Variants in TRDN observed in about 807,000 individuals in gnomAD.
The protein encoded by TRDN is triadin in skeletal muscle.
In TRDN, 161 loss-of-function variants were observed where a neutral mutation model predicts 149.7. The observed-to-expected ratio is 1.08, with a 90% CI of 0.95 to 1.23. The LOEUF (loss-of-function observed/expected upper bound fraction) is 1.23, where lower values mean the gene tolerates loss of function less well. Among genes scored for constraint, TRDN ranks in the 50% most tolerant of loss-of-function variants. The probability of loss-of-function intolerance (pLI) is 0.00; values close to 1 mark genes in which losing one functional copy is unlikely to be tolerated. For missense variants in TRDN, 896 were observed against 823.5 expected, an observed-to-expected ratio of 1.09 and a Z score of -1.08; for synonymous variants, 294 against 250.5, an observed-to-expected ratio of 1.17 and a Z score of -1.64.
At chr6:123,594,970 C>A (rs1783964570) in intron 1 of TRDN, among the ~76,000 whole-genome samples, 1 of 151,694 alleles carries the variant, frequency 6.6e-6, no homozygotes, top group Non-Finnish European at 1.5e-5. Context: ...CCAGAATATG[C>A]CTCTGTGGTA....
Position 123,503,882 on chromosome 6 carries a change from A to T in TRDN, c.630T>A (p.Thr210=), listed in dbSNP as rs983727872. The change falls in exon 8 of 41, where the codon ACT becomes ACA. Residue 210 remains threonine, a synonymous_variant. Coordinates refer to ENST00000334268, the MANE Select transcript of TRDN (RefSeq NM_006073.4). The part of the protein sequence containing the change: ...TLAKEQKKAK[T]AEKSEEKTKK... The stretch of plus-strand genomic sequence containing the variant: ...TAGTCTTTTCTTCACTCTTTTCTGC[A>T]GTCTTAGCTTTCTTCTGTTCTGTAT... 3.2e-6 allele frequency: 5 copies of T among 1,569,208 alleles called. No homozygotes were observed. Among genetic ancestry groups the T allele is most frequent in the Admixed American group, 3.8e-5 (2 of 52,234 alleles).
chr6:123,507,391 C>T lies in TRDN; in HGVS notation c.611-3490G>A, dbSNP rs1313009259. 2.6e-5 allele frequency among the ~76,000 whole-genome samples: 4 copies of T among 152,088 alleles called. No individual in the cohort carries two copies. In the South Asian group the frequency reaches 6.2e-4, roughly 24 times the overall value. On this transcript the variant is annotated intron_variant, in intron 7 of 40. Coordinates refer to ENST00000334268, the MANE Select transcript of TRDN (RefSeq NM_006073.4). ...ACATATATAGCCAACTCATTATAAT[C>T]ATTGACTTTAAGTATAAAAATAATA...
intron 23 of TRDN, among the ~76,000 whole-genome samples, chr6:123,318,967 C>T (rs960802597): frequency 2.0e-5 from 3 of 151,968 alleles, no homozygotes; most frequent in South Asian, 2.1e-4. Context: ...TAAAGATGAC[C>T]TTAGGACAAG....
intron 12 of TRDN, among the ~76,000 whole-genome samples, chr6:123,414,916 T>G (rs1050586608): frequency 1.3e-5 from 2 of 152,124 alleles, no homozygotes; most frequent in African/African-American, 4.8e-5. Context: ...CTTTAACATA[T>G]CAAATTTTAT....
At chr6:123,455,660 T>C (rs13205870) in intron 10 of TRDN, among the ~76,000 whole-genome samples, 25,690 of 152,110 alleles carry the variant, frequency 0.17, 2,342 homozygotes, top group South Asian at 0.28. Context: ...TTGTTTGGTG[T>C]TGCTGACTTT....
At chr6:123,291,548 G>A (rs1317907960) in intron 24 of TRDN, among the ~76,000 whole-genome samples, 1 of 152,114 alleles carries the variant, frequency 6.6e-6, no homozygotes, top group Non-Finnish European at 1.5e-5. Flanking sequence ...CTGGGCGACA[G>A]AGTGAGACTC....
chr6:123,381,259 T>C, intron 16 of TRDN, 111 bp downstream of exon 16: 1 of 990,824 alleles, frequency 1.0e-6, no homozygotes, highest in Non-Finnish European at 1.5e-6. Context: ...AGAGTTCACA[T>C]GCATAAAACA....
intron 38 of TRDN, among the ~76,000 whole-genome samples, chr6:123,237,182 T>A (rs947756456): frequency 8.2e-5 from 12 of 145,480 alleles, no homozygotes; most frequent in Non-Finnish European, 4.6e-5. Flanking sequence ...TAATTTTTTT[T>A]AAATTTTGTT....
chr6:123,260,904 A>C (rs887606668), intron 33 of TRDN, among the ~76,000 whole-genome samples: 7 of 151,826 alleles, frequency 4.6e-5, no homozygotes, highest in African/African-American at 1.7e-4. Flanking sequence ...AATAGGTTAG[A>C]TAGAATAAAC....
chr6:123,614,177 T>C (rs1403112317), intron 1 of TRDN, among the ~76,000 whole-genome samples: 1 of 151,440 alleles, frequency 6.6e-6, no homozygotes, highest in East Asian at 1.9e-4. Context: ...GTGATTCATA[T>C]ACATGTTAAG....
rs558689379 is a variant in TRDN at position 123,312,239 on chromosome 6, A to G, written c.1510+4218T>C. On this transcript the variant is annotated intron_variant, in intron 24 of 40. Transcript: ENST00000334268. The stretch of plus-strand genomic sequence containing the variant: ...ACATGAAAAAGCAAAAAAGTTAGAC[A>G]GAAATTACCATGCATTCTGTAAAGT... 1.6e-4 allele frequency among the ~76,000 whole-genome samples: 24 copies of G among 152,090 alleles called. No homozygotes were observed. The South Asian group carries it at 4.8e-3, about 30-fold the overall frequency.
chr6:123,572,114 T>C (rs1437488155), intron 1 of TRDN, among the ~76,000 whole-genome samples: 1 of 152,120 alleles, frequency 6.6e-6, no homozygotes, highest in Non-Finnish European at 1.5e-5. Flanking sequence ...GACAATACTA[T>C]CAGTGATGTT....
intron 4 of TRDN, among the ~76,000 whole-genome samples, chr6:123,542,884 G>GTC (rs1463696920): frequency 5.4e-5 from 8 of 148,878 alleles, no homozygotes; most frequent in African/African-American, 1.3e-4. Context: ...GTGTGTGTGT[G>GTC]TGTCTGTCTG....
intron 1 of TRDN, among the ~76,000 whole-genome samples, chr6:123,618,128 T>C (rs1785195739): frequency 6.6e-6 from 1 of 152,162 alleles, no homozygotes; most frequent in South Asian, 2.1e-4. Context: ...GTTATAGTAA[T>C]CAGATACACA....
intron 24 of TRDN, among the ~76,000 whole-genome samples, chr6:123,299,280 C>T (rs1452651762): frequency 6.6e-6 from 1 of 151,904 alleles, no homozygotes; most frequent in Non-Finnish European, 1.5e-5. Flanking sequence ...AAGGAGAGCA[C>T]AGTAAAATGT....
chr6:123,490,357 T>G (rs1583135238), intron 9 of TRDN, among the ~76,000 whole-genome samples: 1 of 152,290 alleles, frequency 6.6e-6, no homozygotes, highest in South Asian at 2.1e-4. Flanking sequence ...TTAGAGAGCG[T>G]GGATACATCG....
chr6:123,354,449 G>A (rs1334078512), intron 20 of TRDN, among the ~76,000 whole-genome samples: 1 of 151,638 alleles, frequency 6.6e-6, no homozygotes, highest in East Asian at 1.9e-4. Flanking sequence ...ACTTTCACAG[G>A]CAAACTCCTG....
chr6:123,601,012 T>TA (rs1261878990), intron 1 of TRDN, among the ~76,000 whole-genome samples: 2 of 152,080 alleles, frequency 1.3e-5, no homozygotes, highest in Non-Finnish European at 2.9e-5. Context: ...TGGAAAAACA[T>TA]ACATGTTGTA....
At chr6:123,418,862 T>C (rs577245855) in intron 12 of TRDN, among the ~76,000 whole-genome samples, 48 of 152,250 alleles carry the variant, frequency 3.2e-4, no homozygotes, top group African/African-American at 1.1e-3. Context: ...TGAGCCTTGA[T>C]GAGTGTTTTG....
Sources: gnomAD v4.1 joint callset for allele counts (sites outside exome capture counted in the v4.1 genomes callset) on GRCh38, gnomAD v4.1.1 for gene constraint, MANE v1.5 for transcripts, NCBI Gene and HGNC (gene_info 2026-07-23, HGNC 2026-07-21) for gene names.